The following IKBKG variants were observed in gnomAD, a reference collection of about 807,000 sequenced individuals.
The protein encoded by IKBKG is NF-kappa-B essential modulator.
In IKBKG, 2 loss-of-function variants were observed where a neutral mutation model predicts 13.7. The ratio of observed to expected loss-of-function variants is 0.15; its 90% confidence interval spans 0.06 to 0.46. The LOEUF (loss-of-function observed/expected upper bound fraction) is 0.46, where lower values mean the gene tolerates loss of function less well. IKBKG is among the 20% of genes least tolerant of loss of function. The pLI is 0.98. For missense variants in IKBKG, 53 were observed against 150.3 expected, an observed-to-expected ratio of 0.35 and a Z score of 3.39; for synonymous variants, 22 against 64.4, an observed-to-expected ratio of 0.34 and a Z score of 3.15.
intron 1 of IKBKG, among the ~76,000 whole-genome samples, chrX:154,551,601 C>CG (rs2070934737): frequency 9.0e-6 from 1 of 111,617 alleles, no homozygotes; most frequent in Non-Finnish European, 1.9e-5. Context: ...CATATCTTTT[C>CG]GGGGGGCTAC....
Position 154,554,875 on chromosome X carries a change from G to A in IKBKG, c.188-1290G>A, listed in dbSNP as rs782478382. On this transcript the variant is annotated intron_variant, in intron 2 of 9. Transcript: ENST00000594239. Reference sequence around the variant, plus strand: ...TTAGTTGGTTGAGGGTTTTGATCACGGGGTAGCTACTGCCTGCCCCATTTT... The same window carrying A: ...TTAGTTGGTTGAGGGTTTTGATCACAGGGTAGCTACTGCCTGCCCCATTTT... 4.5e-3 allele frequency among the ~76,000 whole-genome samples: 504 copies of A among 111,755 alleles called. 1 individual carries two copies. Among genetic ancestry groups the A allele is most frequent in the Non-Finnish European group, 7.7e-3 (411 of 53,101 alleles).
upstream of IKBKG, chrX:154,546,841 G>A (rs1569556435): frequency 2.6e-6 from 3 of 1,138,559 alleles, no homozygotes; most frequent in East Asian, 3.5e-5. Flanking sequence ...GTGTACGACC[G>A]TTTCCGGGGG....
chrX:154,551,942 A>G (rs2070943723), intron 1 of IKBKG, 46 bp from the exon 2 acceptor site: 2 of 954,780 alleles, frequency 2.1e-6, no homozygotes, highest in Non-Finnish European at 2.8e-6. Flanking sequence ...TCTGCTGGGT[A>G]AGGATGTGGG....
chrX:154,553,446 C>T (rs900410216), intron 2 of IKBKG, among the ~76,000 whole-genome samples: 2 of 112,846 alleles, frequency 1.8e-5, no homozygotes, highest in Admixed American at 1.9e-4. Context: ...TGCGATGTGT[C>T]TCCTCTTACT....
upstream of IKBKG, among the ~76,000 whole-genome samples, chrX:154,543,415 C>T (rs1317504501): frequency 6.2e-5 from 7 of 112,302 alleles, no homozygotes; most frequent in African/African-American, 1.3e-4. Flanking sequence ...ATTTGCTACA[C>T]GAAATGCTGA....
At chrX:154,542,387 G>A (rs2070537245), upstream of IKBKG, 1 of 1,205,718 alleles carries the variant, frequency 8.3e-7, no homozygotes, top group Non-Finnish European at 1.1e-6. Flanking sequence ...GGTCCCATCA[G>A]GTGGGGAAAG....
chrX:154,548,008 T>C, intron 1 of IKBKG: 1 of 754,704 alleles, frequency 1.3e-6, no homozygotes. Context: ...TTCAGAGACA[T>C]ATTCTGTTCA....
At chrX:154,549,670 T>C (rs1332178039) in intron 1 of IKBKG, among the ~76,000 whole-genome samples, 2 of 111,585 alleles carry the variant, frequency 1.8e-5, no homozygotes, top group Non-Finnish European at 3.8e-5. Flanking sequence ...GTTTGTTGTA[T>C]GTATATTCAC....
chrX:154,554,192 A>G (rs1301793419), intron 2 of IKBKG, among the ~76,000 whole-genome samples: 1 of 112,168 alleles, frequency 8.9e-6, no homozygotes, highest in Non-Finnish European at 1.9e-5. Flanking sequence ...CTGTACTTAG[A>G]ATGTTGAGGG....
chrX:154,546,876 C>CGGCGGGGGCGGG, upstream of IKBKG: 6 of 1,071,639 alleles, frequency 5.6e-6, no homozygotes, highest in Non-Finnish European at 7.3e-6. Context: ...CCCATTTAAT[C>CGGCGGGGGCGGG]GGCGGGGGCG....
chrX:154,552,579 G>C (rs1392727625), intron 2 of IKBKG, among the ~76,000 whole-genome samples: 4 of 109,456 alleles, frequency 3.7e-5, no homozygotes, highest in Non-Finnish European at 7.7e-5. Context: ...GGCAGAGTCG[G>C]CGCTGGGAAG....
At chrX:154,543,381 T>C (rs186668760), upstream of IKBKG, among the ~76,000 whole-genome samples, 237 of 112,465 alleles carry the variant, frequency 2.1e-3, 4 homozygotes, top group East Asian at 0.058. Flanking sequence ...CTAAGGACCC[T>C]GGGCCCTCGT....
Position 154,547,714 on chromosome X carries a change from C to T in IKBKG, c.-47C>T. The T allele has an allele frequency of 6.6e-6, 5 of 755,248 alleles. No homozygotes were observed. The South Asian group carries it at 3.4e-4, about 51-fold the overall frequency. 62.2% of individuals were successfully genotyped at this position (755,248 alleles called of 1,213,427 possible). On this transcript the variant is annotated 5_prime_UTR_variant, in exon 1 of 10. Transcript: ENST00000594239. ...CAGCGTTCACAGTCCGCCGCTCCCA[C>T]CCTTCTCACGTCTGACGGACTCTGC...
upstream of IKBKG, among the ~76,000 whole-genome samples, chrX:154,544,651 C>G (rs1557232767): frequency 8.9e-6 from 1 of 112,203 alleles, no homozygotes; most frequent in Non-Finnish European, 1.9e-5. Flanking sequence ...CAAGCCCAAT[C>G]TACTGTGGGC....
At chrX:154,548,562 T>C (rs2070826954) in intron 1 of IKBKG, among the ~76,000 whole-genome samples, 1 of 112,163 alleles carries the variant, frequency 8.9e-6, no homozygotes, top group Non-Finnish European at 1.9e-5. Flanking sequence ...AGTAAATCTT[T>C]TTGGTTTGTT....
Position 154,563,717 on chromosome X carries a change from C to T in IKBKG, c.1055+16C>T, listed in dbSNP as rs1557236704. Reference sequence around the variant, plus strand: ...AGTCGGCCAGGTGGGCCTCTGAGAGCGTGCCCGTGTGAGCAGTGGGTGCGA... The same window carrying T: ...AGTCGGCCAGGTGGGCCTCTGAGAGTGTGCCCGTGTGAGCAGTGGGTGCGA... On this transcript the variant is annotated intron_variant, in intron 8 of 9. Transcript: ENST00000594239. The T allele has an allele frequency of 3.3e-3, 3 of 906 alleles. No individual in the cohort carries two copies. The highest frequency in any genetic ancestry group is 0.011 in the Admixed American group (3 of 266). 0.1% of individuals were successfully genotyped at this position (906 alleles called of 1,213,427 possible).
chrX:154,546,701 A>C (rs1230463520), upstream of IKBKG: 40 of 786,870 alleles, frequency 5.1e-5, no homozygotes, highest in Non-Finnish European at 7.3e-5. Flanking sequence ...GTTCTCAAGC[A>C]CAACAAACAG....
At position 154,548,099 on chromosome X, in the gene IKBKG, T is replaced by A; in HGVS notation, c.-16+354T>A. ...ATAGTTTGGCAGCTAGGTATCTGAT[T>A]TCATATGCCTGTTTGCTCGTTTTGC... On this transcript the variant is annotated intron_variant, in intron 1 of 9. Transcript: ENST00000594239. 5 of 754,346 alleles carry A rather than the reference T, an allele frequency of 6.6e-6. No homozygotes were observed. In the South Asian group the frequency reaches 3.4e-4, roughly 51 times the overall value. The allele number at this position is 754,346 out of a possible 1,213,427, so 62.2% of individuals were successfully genotyped here. A position where few individuals can be genotyped will look rare whatever the true frequency, so the allele number is the denominator to read the frequency against.
upstream of IKBKG, chrX:154,546,029 T>G (rs369904290): frequency 1.9e-3 from 2,287 of 1,207,809 alleles, 28 homozygotes; most frequent in South Asian, 0.038. Flanking sequence ...GCCTGGGAGA[T>G]ACTCACCGAT....
Sources: gnomAD v4.1 joint callset for allele counts (sites outside exome capture counted in the v4.1 genomes callset) on GRCh38, gnomAD v4.1.1 for gene constraint, MANE v1.5 for transcripts, NCBI Gene and HGNC (gene_info 2026-07-23, HGNC 2026-07-21) for gene names.